AZIN2: variants seen among roughly 807,000 people sequenced by gnomAD.
AZIN2 encodes the protein ODC antizyme inhibitor-2.
Under a neutral mutation model 47.8 loss-of-function variants are expected in AZIN2, and 28 were observed. That is an observed-to-expected ratio of 0.59 (90% CI 0.43 to 0.80). AZIN2 has a LOEUF of 0.80. Ranked by LOEUF, AZIN2 falls within the 30% of genes least tolerant of loss-of-function variation. The pLI is 0.00. For synonymous variants in AZIN2, 221 were observed against 239.4 expected (o/e 0.92, Z 0.71); for missense variants, 535 against 582.5 (o/e 0.92, Z 0.84).
At chr1:33,144,091 C>T in the AZIN2 span, among the ~76,000 whole-genome samples, 3 of 151,746 alleles carry the variant, frequency 2.0e-5, no homozygotes, top group African/African-American at 7.3e-5. Context: ...CAGACACACT[C>T]TTACATGCAA....
At position 33,096,785 on chromosome 1, in the gene AZIN2, C is replaced by G; in HGVS notation, c.832C>G (p.Arg278Gly). The G allele has an allele frequency of 6.2e-7, 1 of 1,614,210 alleles. No individual in the cohort carries two copies. ...CGVDIFAELG[R>G]YYVTSAFTVA... ...CGTGGACATCTTTGCTGAGCTGGGGCGCTACTACGTGACCTCGGCCTTCAC... is the reference window on the plus strand; with the variant it reads ...CGTGGACATCTTTGCTGAGCTGGGGGGCTACTACGTGACCTCGGCCTTCAC... The change falls in exon 9 of 12, where the codon CGC becomes GGC. Residue 278 changes from arginine to glycine, a missense_variant. This residue lies in a region of AZIN2 where 409 missense variants were observed against 429.0 expected (regional missense o/e 0.95). Coordinates refer to ENST00000294517, the MANE Select transcript of AZIN2 (RefSeq NM_052998.4).
At chr1:33,141,352 A>G in the AZIN2 span, among the ~76,000 whole-genome samples, 1 of 151,710 alleles carries the variant, frequency 6.6e-6, no homozygotes, top group East Asian at 1.9e-4. Flanking sequence ...CAGTTAGTCA[A>G]TCTCCCTCCC....
chr1:33,084,197 G>A, intron 5 of AZIN2, 70 bp downstream of exon 5: 1 of 1,578,902 alleles, frequency 6.3e-7, no homozygotes, highest in Admixed American at 1.7e-5. Context: ...GGCTAGTCCA[G>A]GTGGGCTCTG....
chr1:33,107,895 T>C (rs573456057), intron 10 of AZIN2, among the ~76,000 whole-genome samples: 1 of 152,274 alleles, frequency 6.6e-6, no homozygotes, highest in East Asian at 1.9e-4. Flanking sequence ...AAAATGTCCA[T>C]ACTACCCAAA....
chr1:33,154,460 G>T, the AZIN2 span, among the ~76,000 whole-genome samples: 3 of 152,002 alleles, frequency 2.0e-5, no homozygotes. Context: ...ATCTTGCTCA[G>T]CTATATGGAA....
At chr1:33,161,041 G>A in the AZIN2 span, among the ~76,000 whole-genome samples, 6 of 152,262 alleles carry the variant, frequency 3.9e-5, no homozygotes, top group Non-Finnish European at 7.3e-5. This position sits in a 1 kb window ranked among gnomAD's most constrained non-coding sequence, Gnocchi z 4.3. Context: ...CTATGGCAAC[G>A]TCAGTTGCCT....
downstream of AZIN2, among the ~76,000 whole-genome samples, chr1:33,126,743 CAGTT>C (rs775010984): frequency 2.0e-4 from 31 of 152,300 alleles, no homozygotes; most frequent in African/African-American, 4.6e-4. Flanking sequence ...TTTTTCCACT[CAGTT>C]AGGTGACCTT....
chr1:33,108,738 T>C (rs1644144062), intron 10 of AZIN2, among the ~76,000 whole-genome samples: 1 of 152,226 alleles, frequency 6.6e-6, no homozygotes, highest in Non-Finnish European at 1.5e-5. Context: ...AATATTCCAT[T>C]ATCTGGGTAT....
chr1:33,141,641 A>C, the AZIN2 span, among the ~76,000 whole-genome samples: 1 of 152,194 alleles, frequency 6.6e-6, no homozygotes, highest in African/African-American at 2.4e-5. Flanking sequence ...TCTGGTCCAC[A>C]GTGTCAACCC....
rs868285371 is a variant in AZIN2 at position 33,096,932 on chromosome 1, A to G, written c.916+63A>G. On this transcript the variant is annotated intron_variant, in intron 9 of 11. Coordinates refer to ENST00000294517, the MANE Select transcript of AZIN2 (RefSeq NM_052998.4). ...TGAAGCTTCAGATAGTGGTTGGCTGAGCAGGATCTGGTTTTAGACCCAGTG... is the reference window on the plus strand; with the variant it reads ...TGAAGCTTCAGATAGTGGTTGGCTGGGCAGGATCTGGTTTTAGACCCAGTG... 3.1e-5 allele frequency: 50 copies of G among 1,604,206 alleles called. 1 individual carries two copies. The Middle Eastern group carries it at 1.2e-3, about 38-fold the overall frequency.
the AZIN2 span, among the ~76,000 whole-genome samples, chr1:33,144,548 C>T: frequency 6.6e-6 from 1 of 152,240 alleles, no homozygotes; most frequent in African/African-American, 2.4e-5. Flanking sequence ...ACTGATAGAA[C>T]CTCTCTAAAG....
At chr1:33,088,307 G>A (rs1418202354) in intron 5 of AZIN2, among the ~76,000 whole-genome samples, 2 of 151,930 alleles carry the variant, frequency 1.3e-5, no homozygotes, top group South Asian at 2.1e-4. Context: ...TGACGTCCTC[G>A]TCCTCATCAC....
intron 10 of AZIN2, among the ~76,000 whole-genome samples, chr1:33,111,164 CT>C (rs1275720463): frequency 3.9e-5 from 6 of 152,254 alleles, no homozygotes; most frequent in Non-Finnish European, 7.3e-5. Flanking sequence ...CTACCATGTA[CT>C]TGCTGGGTAA....
At chr1:33,155,056 G>A in the AZIN2 span, among the ~76,000 whole-genome samples, 1 of 142,318 alleles carries the variant, frequency 7.0e-6, no homozygotes, top group Admixed American at 6.9e-5. Context: ...TCGCGCCACT[G>A]CACTCCAGCC....
the AZIN2 span, chr1:33,160,094 G>T: frequency 9.6e-7 from 1 of 1,038,774 alleles, no homozygotes. Flanking sequence ...CAAAAGCATG[G>T]TGGTAGGAAA....
At chr1:33,083,898 ATGCACAGGG>A in intron 4 of AZIN2, 47 bp from the exon 5 acceptor site, 5 of 1,600,842 alleles carry the variant, frequency 3.1e-6, no homozygotes, top group Non-Finnish European at 4.3e-6. Context: ...CACGGATGGC[ATGCACAGGG>A]TGCGAGCTGG....
chr1:33,159,587 G>T, the AZIN2 span: 3 of 1,438,040 alleles, frequency 2.1e-6, no homozygotes, highest in South Asian at 1.4e-5. The surrounding 1 kb of genome is among the most constrained non-coding windows in gnomAD (Gnocchi z 4.2). Context: ...TTGAATGAAA[G>T]AATTCTCTGC....
the AZIN2 span, among the ~76,000 whole-genome samples, chr1:33,147,933 T>C: frequency 1.3e-5 from 2 of 152,282 alleles, no homozygotes; most frequent in South Asian, 2.1e-4. This position sits in a 1 kb window ranked among gnomAD's most constrained non-coding sequence, Gnocchi z 8.1. Context: ...TTCCAGATAT[T>C]GTCTGCAGGG....
At chr1:33,100,432 G>A (rs866765043) in intron 10 of AZIN2, among the ~76,000 whole-genome samples, 1 of 151,788 alleles carries the variant, frequency 6.6e-6, no homozygotes, top group African/African-American at 2.4e-5. Flanking sequence ...TTTCTTTTTG[G>A]TTTTTATTTT....
Sources: gnomAD v4.1 joint callset for allele counts (sites outside exome capture counted in the v4.1 genomes callset) on GRCh38, gnomAD v4.1.1 for gene constraint, gnomAD v4.1.1 regional missense constraint, Gnocchi (gnomAD v3.1) non-coding constraint, MANE v1.5 for transcripts, NCBI Gene and HGNC (gene_info 2026-07-23, HGNC 2026-07-21) for gene names.